COL23A1: variants seen among roughly 807,000 people sequenced by gnomAD.
COL23A1 encodes collagen alpha-1(XXIII) chain.
In COL23A1, 97 loss-of-function variants were observed where a neutral mutation model predicts 99.3. The observed-to-expected ratio is 0.98, with a 90% CI of 0.83 to 1.16. COL23A1 has a LOEUF of 1.16. Ranked by LOEUF, COL23A1 falls within the 50% of genes most tolerant of loss-of-function variation. The pLI, the probability that COL23A1 is intolerant of heterozygous loss-of-function variation, is 0.00. For missense variants in COL23A1, 762 were observed against 757.4 expected (o/e 1.01, Z -0.07); for synonymous variants, 320 against 308.2 (o/e 1.04, Z -0.40).
chr5:178,389,261 T>C (rs1001932167), intron 2 of COL23A1, among the ~76,000 whole-genome samples: 1 of 152,156 alleles, frequency 6.6e-6, no homozygotes, highest in South Asian at 2.1e-4. Flanking sequence ...AAAGTCCCAA[T>C]GCCCCTTTCA....
chr5:178,354,630 C>T (rs1245377308), intron 2 of COL23A1, among the ~76,000 whole-genome samples: 1 of 152,190 alleles, frequency 6.6e-6, no homozygotes, highest in Non-Finnish European at 1.5e-5. Context: ...TCTCTCTCTC[C>T]TGCTCTGCCA....
intron 1 of COL23A1, among the ~76,000 whole-genome samples, chr5:178,584,753 A>G (rs1443243786): frequency 2.0e-5 from 3 of 152,178 alleles, no homozygotes; most frequent in African/African-American, 7.2e-5. Flanking sequence ...GTAGGGGGTA[A>G]CAGAGCTTCC....
chr5:178,418,054 C>A (rs1177223747), intron 2 of COL23A1, among the ~76,000 whole-genome samples: 3 of 152,208 alleles, frequency 2.0e-5, no homozygotes, highest in African/African-American at 4.8e-5. Flanking sequence ...TGTGGAGGAC[C>A]CAGTGTCTGG....
At chr5:178,356,592 G>C (rs1290267252) in intron 2 of COL23A1, among the ~76,000 whole-genome samples, 1 of 151,758 alleles carries the variant, frequency 6.6e-6, no homozygotes, top group Non-Finnish European at 1.5e-5. Flanking sequence ...AGGGTGCAAA[G>C]GGTTAAGGGA....
intron 5 of COL23A1, among the ~76,000 whole-genome samples, chr5:178,273,468 G>C (rs1247420414): frequency 3.3e-5 from 5 of 152,248 alleles, no homozygotes; most frequent in Admixed American, 3.3e-4. Context: ...CTGTATTTGT[G>C]ATCAGAGAGC....
chr5:178,358,803 CAT>C (rs1172320522), intron 2 of COL23A1, among the ~76,000 whole-genome samples: 1 of 151,792 alleles, frequency 6.6e-6, no homozygotes, highest in African/African-American at 2.4e-5. Flanking sequence ...ATGATATACC[CAT>C]GTGTGATTTG....
rs540928020 is a variant in COL23A1 at position 178,273,053 on chromosome 5, G to A, written c.442-2690C>T. ...TCCATCCTGTCTGCACTGCAGGCCC[G>A]TGCCGCGGTGCTGTCTGGCCTCCCG... On this transcript the variant is annotated intron_variant, in intron 5 of 28. Coordinates refer to ENST00000390654, the MANE Select transcript of COL23A1 (RefSeq NM_173465.4). Among the ~76,000 whole-genome samples, 37 of 152,288 alleles carry A rather than the reference G, an allele frequency of 2.4e-4. 2 individuals are homozygous for A. Among genetic ancestry groups the A allele is most frequent in the Admixed American group, 2.2e-3 (33 of 15,300 alleles).
chr5:178,433,523 G>C (rs773694110), intron 2 of COL23A1, among the ~76,000 whole-genome samples: 1 of 152,124 alleles, frequency 6.6e-6, no homozygotes, highest in Non-Finnish European at 1.5e-5. Context: ...TTGGCAATTG[G>C]TGATTAAACT....
At chr5:178,552,973 G>T (rs1361946856) in intron 2 of COL23A1, among the ~76,000 whole-genome samples, 1 of 152,096 alleles carries the variant, frequency 6.6e-6, no homozygotes, top group East Asian at 1.9e-4. Context: ...CTCCCAAAGT[G>T]CTGGGATTAC....
In COL23A1 at chr5:178,306,954, G is replaced by GGGAA; in HGVS notation, c.362-39_362-36dup. ...AAAACAAGAATGCATTCATTGAGAA[G>GGGAA]GGAAGCCAGTGGACTTGGCTGCGTG... On this transcript the variant is annotated intron_variant, in intron 2 of 28. Transcript: ENST00000390654. This position sits in a 1 kb window ranked among gnomAD's most constrained non-coding sequence, Gnocchi z 4.1. 6.8e-7 allele frequency: 1 copy of GGGAA among 1,460,254 alleles called. No homozygotes were observed. The highest frequency in any genetic ancestry group is 9.1e-7 in the Non-Finnish European group (1 of 1,101,642). The allele number at this position is 1,460,254 out of a possible 1,614,324, so 90.5% of individuals were successfully genotyped here.
intron 2 of COL23A1, among the ~76,000 whole-genome samples, chr5:178,471,369 G>A (rs1247729101): frequency 6.6e-6 from 1 of 152,124 alleles, no homozygotes; most frequent in Non-Finnish European, 1.5e-5. Context: ...AGCCTCCTGA[G>A]TAGCTGGGAT....
chr5:178,303,608 C>T (rs534174130), intron 3 of COL23A1, among the ~76,000 whole-genome samples: 3 of 152,282 alleles, frequency 2.0e-5, no homozygotes, highest in South Asian at 2.1e-4. Context: ...CACTGTTGCC[C>T]GAAGGCTAGC....
chr5:178,245,038 CTCA>C (rs1398229531), intron 25 of COL23A1, among the ~76,000 whole-genome samples: 1 of 145,460 alleles, frequency 6.9e-6, no homozygotes, highest in Non-Finnish European at 1.5e-5. Flanking sequence ...CATCCATCCA[CTCA>C]TCATCTATCA....
intron 22 of COL23A1, among the ~76,000 whole-genome samples, chr5:178,247,173 G>A (rs1006983514): frequency 2.0e-5 from 3 of 152,064 alleles, no homozygotes; most frequent in Non-Finnish European, 2.9e-5. Flanking sequence ...TGTGTGGGGC[G>A]GGCTGGGATG....
intron 2 of COL23A1, among the ~76,000 whole-genome samples, chr5:178,361,416 T>C (rs1762168030): frequency 6.6e-6 from 1 of 152,146 alleles, no homozygotes; most frequent in Admixed American, 6.5e-5. Flanking sequence ...TGAGGAATGA[T>C]CTTGGTGTGA....
chr5:178,398,217 G>A (rs1378745785), intron 2 of COL23A1, among the ~76,000 whole-genome samples: 1 of 152,206 alleles, frequency 6.6e-6, no homozygotes, highest in Non-Finnish European at 1.5e-5. Flanking sequence ...ATTTGTGCAC[G>A]AATAACTCCC....
At chr5:178,295,808 T>A (rs190895752) in intron 3 of COL23A1, among the ~76,000 whole-genome samples, 257 of 152,376 alleles carry the variant, frequency 1.7e-3, no homozygotes, top group Non-Finnish European at 2.5e-3. Context: ...TTCTGTAAGT[T>A]CTGATATGGA....
At chr5:178,400,869 A>T (rs1271790128) in intron 2 of COL23A1, among the ~76,000 whole-genome samples, 1 of 152,062 alleles carries the variant, frequency 6.6e-6, no homozygotes, top group Non-Finnish European at 1.5e-5. Flanking sequence ...AACTCCTGAC[A>T]TCAGGTGATC....
chr5:178,585,746 C>CACTCCACAG (rs1281437181), intron 1 of COL23A1, among the ~76,000 whole-genome samples: 4 of 92,918 alleles, frequency 4.3e-5, no homozygotes, highest in African/African-American at 8.4e-5. Flanking sequence ...CCCTGGCTGA[C>CACTCCACAG]CCTGTTGGTT....
Sources: allele counts gnomAD v4.1 joint callset (sites outside exome capture counted in the v4.1 genomes callset), GRCh38; gene constraint gnomAD v4.1.1; non-coding constraint Gnocchi (gnomAD v3.1); transcripts MANE v1.5; gene names NCBI Gene and HGNC (gene_info 2026-07-23, HGNC 2026-07-21).